DAPK1: variants seen among roughly 807,000 people sequenced by gnomAD.
DAPK1 encodes death associated protein kinase 1.
A neutral mutation model predicts 144.9 loss-of-function variants in DAPK1; 56 were observed. That is an observed-to-expected ratio of 0.39 (90% CI 0.31 to 0.48). The LOEUF (loss-of-function observed/expected upper bound fraction) is 0.48, where lower values mean the gene tolerates loss of function less well. DAPK1 is among the 20% of genes least tolerant of loss of function. The pLI is 0.95. For synonymous variants in DAPK1, 690 were observed against 749.0 expected (o/e 0.92, Z 1.29); for missense variants, 1,454 against 1,875.4 (o/e 0.78, Z 4.15).
chr9:87,607,599 G>A (rs1267559518), intron 3 of DAPK1, among the ~76,000 whole-genome samples: 1 of 152,002 alleles, frequency 6.6e-6, no homozygotes, highest in African/African-American at 2.4e-5. Flanking sequence ...TTTACCATTT[G>A]ATTATGTAAA....
chr9:87,686,693 T>C lies in DAPK1; in HGVS notation c.2367T>C (p.Asp789=). ...APTHHPHCSA[D]DQSTKAIDIQ... is the part of the protein sequence containing the mutation. ...CCCACCACCCGCACTGCTCGGCCGA[T>C]GACCAGTCCACCAAGGCCATCGACA... The change falls in exon 21 of 26, where the codon GAT becomes GAC. Residue 789 remains aspartate, a synonymous_variant. Coordinates refer to ENST00000408954, the MANE Select transcript of DAPK1 (RefSeq NM_004938.4). The surrounding 1 kb of genome is among the most constrained non-coding windows in gnomAD (Gnocchi z 4.2). 6.2e-7 allele frequency: 1 copy of C among 1,613,548 alleles called. No individual in the cohort carries two copies. Among genetic ancestry groups the C allele is most frequent in the Non-Finnish European group, 8.5e-7 (1 of 1,179,556 alleles).
Position 87,699,949 on chromosome 9 carries a change from T to C in DAPK1, c.2751-168T>C, listed in dbSNP as rs1825401916. ...TTTCCCCAAGTCTCTGCACCCACTGTGATGAGGCAGAGCCCACCAACAGCA... is the reference window on the plus strand; with the variant it reads ...TTTCCCCAAGTCTCTGCACCCACTGCGATGAGGCAGAGCCCACCAACAGCA... On this transcript the variant is annotated intron_variant, in intron 23 of 25. Coordinates refer to ENST00000408954, the MANE Select transcript of DAPK1 (RefSeq NM_004938.4). Among the ~76,000 whole-genome samples the C allele has an allele frequency of 4.6e-5, 7 of 152,162 alleles. 1 individual carries two copies. The highest frequency in any genetic ancestry group is 4.6e-4 in the Admixed American group (7 of 15,284).
At chr9:87,680,928 G>A (rs1011374064) in intron 19 of DAPK1, among the ~76,000 whole-genome samples, 6 of 152,194 alleles carry the variant, frequency 3.9e-5, no homozygotes, top group African/African-American at 1.2e-4. Context: ...GTTGAAAATG[G>A]TGACTTTGAT....
intron 2 of DAPK1, among the ~76,000 whole-genome samples, chr9:87,539,476 C>G (rs1483722859): frequency 7.1e-6 from 1 of 141,024 alleles, no homozygotes; most frequent in Non-Finnish European, 1.5e-5. Flanking sequence ...GTCACCCAGG[C>G]TGGAGTACAG....
intron 2 of DAPK1, among the ~76,000 whole-genome samples, chr9:87,505,782 C>G (rs1421230018): frequency 6.6e-6 from 1 of 152,128 alleles, no homozygotes; most frequent in Non-Finnish European, 1.5e-5. Flanking sequence ...CTCTGCCTCC[C>G]CAGTTCAAGT....
intron 21 of DAPK1, 96 bp from the exon 22 acceptor site, chr9:87,696,911 T>A: frequency 1.3e-6 from 1 of 769,926 alleles, no homozygotes; most frequent in Admixed American, 1.7e-5. Flanking sequence ...TAAGTATCAC[T>A]ATGCCTACTT....
In DAPK1 at chr9:87,706,486, C is replaced by G; in HGVS notation, c.3415C>G (p.Pro1139Ala). The change falls in exon 26 of 26, where the codon CCC becomes GCC. Residue 1139 changes from proline to alanine, a missense_variant. Pro to Ala is a conservative substitution (Grantham distance 27, BLOSUM62 -1). Around this residue, in one of 2 missense-constraint regions of DAPK1, gnomAD observed 1,025 missense variants for 1,237.9 expected, o/e 0.83. Coordinates refer to ENST00000408954, the MANE Select transcript of DAPK1 (RefSeq NM_004938.4). This position sits in a 1 kb window ranked among gnomAD's most constrained non-coding sequence, Gnocchi z 9.0. ...CATCGTGCCCGTGGAACACCTCACC[C>G]CCTTCCCATGTGGCATCTTTCACAA... ...VRIVPVEHLT[P>A]FPCGIFHKVQ... The G allele has an allele frequency of 6.2e-7, 1 of 1,613,704 alleles. No individual in the cohort carries two copies. The highest frequency in any genetic ancestry group is 1.3e-5 in the African/African-American group (1 of 74,968).
At chr9:87,537,355 C>A (rs897521547) in intron 2 of DAPK1, among the ~76,000 whole-genome samples, 2 of 152,216 alleles carry the variant, frequency 1.3e-5, no homozygotes, top group South Asian at 4.1e-4. Flanking sequence ...ATAGTGTGTA[C>A]GCAGTCAGCC....
At chr9:87,614,322 A>G (rs1446620705) in intron 3 of DAPK1, among the ~76,000 whole-genome samples, 2 of 152,228 alleles carry the variant, frequency 1.3e-5, no homozygotes, top group Admixed American at 1.3e-4. Context: ...TAACTTTAGT[A>G]TCTGCCATGA....
intron 2 of DAPK1, among the ~76,000 whole-genome samples, chr9:87,533,003 G>T (rs1825745621): frequency 6.6e-6 from 1 of 152,094 alleles, no homozygotes. Context: ...TAGTCTGAAG[G>T]GTGTGGAATA....
intron 2 of DAPK1, among the ~76,000 whole-genome samples, chr9:87,555,964 GT>G (rs1240144335): frequency 6.6e-6 from 1 of 152,248 alleles, no homozygotes; most frequent in Admixed American, 6.5e-5. Context: ...TCACTAGTAC[GT>G]GTTGTCAGTA....
chr9:87,573,344 A>G (rs945110074), intron 2 of DAPK1, among the ~76,000 whole-genome samples: 5 of 152,202 alleles, frequency 3.3e-5, no homozygotes, highest in African/African-American at 9.6e-5. Context: ...CACATTCCTC[A>G]TAGGCACTAA....
intron 17 of DAPK1, among the ~76,000 whole-genome samples, chr9:87,655,457 C>G (rs36214714): frequency 6.6e-6 from 1 of 152,248 alleles, no homozygotes; most frequent in South Asian, 2.1e-4. Flanking sequence ...GCACATCCAG[C>G]TTTCTAGAGA....
intron 3 of DAPK1, among the ~76,000 whole-genome samples, chr9:87,620,494 T>C (rs1447257606): frequency 1.4e-5 from 2 of 146,652 alleles, no homozygotes; most frequent in Non-Finnish European, 3.0e-5. Flanking sequence ...TCCTCTGTCC[T>C]GGGATTTCCA....
At chr9:87,580,629 A>C (rs1381463764) in intron 2 of DAPK1, among the ~76,000 whole-genome samples, 1 of 152,178 alleles carries the variant, frequency 6.6e-6, no homozygotes, top group African/African-American at 2.4e-5. Flanking sequence ...TATTGTATAC[A>C]AGATTATATC....
intron 2 of DAPK1, among the ~76,000 whole-genome samples, chr9:87,599,324 A>C (rs1048921833): frequency 6.6e-6 from 1 of 152,218 alleles, no homozygotes; most frequent in African/African-American, 2.4e-5. Context: ...TGTGATTATT[A>C]ATAAAGAAAT....
intron 2 of DAPK1, among the ~76,000 whole-genome samples, chr9:87,547,738 C>T (rs1490553659): frequency 1.3e-5 from 2 of 151,936 alleles, no homozygotes; most frequent in African/African-American, 4.8e-5. Context: ...GGAGTTGAGG[C>T]CTCATCTGGA....
intron 3 of DAPK1, among the ~76,000 whole-genome samples, chr9:87,606,591 TCCTTCCTC>T (rs1209906405): frequency 3.3e-5 from 3 of 90,188 alleles, no homozygotes; most frequent in African/African-American, 1.3e-4. Context: ...CTTCCTTCCT[TCCTTCCTC>T]CCTCCCTCCC....
chr9:87,572,819 A>G (rs557358352), intron 2 of DAPK1, among the ~76,000 whole-genome samples: 36 of 152,288 alleles, frequency 2.4e-4, no homozygotes, highest in Middle Eastern at 3.4e-3. Flanking sequence ...TTGCATTGCA[A>G]GAACAGCCTA....
Sources: allele counts gnomAD v4.1 joint callset (sites outside exome capture counted in the v4.1 genomes callset), GRCh38; gene constraint gnomAD v4.1.1; regional missense constraint gnomAD v4.1.1; non-coding constraint Gnocchi (gnomAD v3.1); transcripts MANE v1.5; gene names NCBI Gene and HGNC (gene_info 2026-07-23, HGNC 2026-07-21).